PACSIN1: variants seen among roughly 807,000 people sequenced by gnomAD.
PACSIN1 encodes protein kinase C and casein kinase substrate in neurons 1.
A neutral mutation model predicts 59.5 loss-of-function variants in PACSIN1; 15 were observed. The observed-to-expected ratio is 0.25, with a 90% CI of 0.17 to 0.39. PACSIN1 has a LOEUF of 0.39. Among genes scored for constraint, PACSIN1 ranks in the 10% least tolerant of loss-of-function variants. The pLI, the probability that PACSIN1 is intolerant of heterozygous loss-of-function variation, is 1.00. For synonymous variants in PACSIN1, 210 were observed against 220.6 expected, an observed-to-expected ratio of 0.95 and a Z score of 0.42; for missense variants, 420 against 580.2, an observed-to-expected ratio of 0.72 and a Z score of 2.84.
At chr6:34,490,682 G>A (rs567951142) in intron 1 of PACSIN1, among the ~76,000 whole-genome samples, 2 of 152,302 alleles carry the variant, frequency 1.3e-5, no homozygotes, top group Middle Eastern at 6.8e-3. Context: ...GGGCTTTCCC[G>A]TTGGCCCTGG....
Position 34,531,708 on chromosome 6 carries a change from GGAC to G in PACSIN1, c.1150_1152del (p.Asp384del). ...CCAACGGGGGCGCCAACCCCTTTGA[GGAC>G]GACTCCAAGGGAGTGCGCGTGCGGG... On this transcript the variant is annotated inframe_deletion, in exon 9 of 10. Transcript: ENST00000244458. The surrounding 1 kb of genome is among the most constrained non-coding windows in gnomAD (Gnocchi z 4.4). 6.2e-7 allele frequency: 1 copy of G among 1,613,092 alleles called. No homozygotes were observed.
At chr6:34,481,172 G>C (rs1315406507) in intron 1 of PACSIN1, among the ~76,000 whole-genome samples, 1 of 151,210 alleles carries the variant, frequency 6.6e-6, no homozygotes, top group African/African-American at 2.4e-5. Flanking sequence ...TCAGCCCCCC[G>C]AGAGCTGGGA....
In PACSIN1 at chr6:34,516,387, C is replaced by T. The variant is rs550358118; in HGVS notation, c.-63-9856C>T. On this transcript the variant is annotated intron_variant, in intron 1 of 9. Coordinates refer to ENST00000244458, the MANE Select transcript of PACSIN1 (RefSeq NM_020804.5). This position sits in a 1 kb window ranked among gnomAD's most constrained non-coding sequence, Gnocchi z 5.4. Reference sequence around the variant, plus strand: ...GCCTAGGAGGGAGAAGGGCAGGTCTCGGGGATGGCAGAAACGGGATGCAGA... The same window carrying T: ...GCCTAGGAGGGAGAAGGGCAGGTCTTGGGGATGGCAGAAACGGGATGCAGA... Among the ~76,000 whole-genome samples the T allele has an allele frequency of 2.0e-5, 3 of 152,306 alleles. No homozygotes were observed. Among genetic ancestry groups the T allele is most frequent in the Admixed American group, 2.0e-4 (3 of 15,306 alleles).
chr6:34,510,708 C>T (rs1157573961), intron 1 of PACSIN1, among the ~76,000 whole-genome samples: 2 of 152,174 alleles, frequency 1.3e-5, no homozygotes, highest in East Asian at 3.9e-4. Flanking sequence ...GTCTCTTTAA[C>T]CCACGTTATT....
In PACSIN1 at chr6:34,532,721, G is replaced by T. The variant is rs1396984820; in HGVS notation, c.*191G>T. ...TTTGCAGGGCCACCTGGAGGCTGGG[G>T]TGCTGGGGCTTGGGGTGGCCCCAGG... is the stretch of plus-strand genomic sequence containing the variant. On this transcript the variant is annotated 3_prime_UTR_variant, in exon 10 of 10. Transcript: ENST00000244458. This position sits in a 1 kb window ranked among gnomAD's most constrained non-coding sequence, Gnocchi z 5.2. 5.2e-6 allele frequency: 3 copies of T among 575,758 alleles called. No homozygotes were observed. Among genetic ancestry groups the T allele is most frequent in the Non-Finnish European group, 9.3e-6 (3 of 321,666 alleles). 35.7% of individuals were successfully genotyped at this position (575,758 alleles called of 1,614,324 possible).
intron 1 of PACSIN1, among the ~76,000 whole-genome samples, chr6:34,471,022 T>C (rs1242648063): frequency 6.6e-6 from 1 of 152,200 alleles, no homozygotes; most frequent in African/African-American, 2.4e-5. Flanking sequence ...CTAGGCTCAC[T>C]GCAACCTCCG....
At chr6:34,466,995 G>A (rs976184697) in intron 1 of PACSIN1, among the ~76,000 whole-genome samples, 1 of 152,166 alleles carries the variant, frequency 6.6e-6, no homozygotes, top group African/African-American at 2.4e-5. Flanking sequence ...GCCAGACCCA[G>A]CTTCAAGCCC....
In PACSIN1 at chr6:34,466,236, T is replaced by G. The variant is rs2395564; in HGVS notation, c.-98T>G. On this transcript the variant is annotated 5_prime_UTR_variant, in exon 1 of 10. Coordinates refer to ENST00000244458, the MANE Select transcript of PACSIN1 (RefSeq NM_020804.5). ...CCCAGACGTCCCGCTTCGCCCCGAG[T>G]CGCCGCCGATGGTCCCCGGAGCTCC... 151,018 of 152,250 alleles carry G rather than the reference T, an allele frequency of 0.99. 74,910 individuals are homozygous for G. Among genetic ancestry groups the G allele is most frequent in the East Asian group, 1 (5,126 of 5,126 alleles). The allele number at this position is 152,250 out of a possible 1,614,324, so 9.4% of individuals were successfully genotyped here.
intron 1 of PACSIN1, among the ~76,000 whole-genome samples, chr6:34,506,775 G>T (rs1767122202): frequency 6.6e-6 from 1 of 152,158 alleles, no homozygotes; most frequent in African/African-American, 2.4e-5. Context: ...CCTTGTTACT[G>T]CTCCTATGTG....
chr6:34,491,768 T>C (rs1475928103), intron 1 of PACSIN1, among the ~76,000 whole-genome samples: 1 of 152,006 alleles, frequency 6.6e-6, no homozygotes, highest in Admixed American at 6.6e-5. Context: ...CCCGCCAACA[T>C]GCCCAGCTAA....
Position 34,515,589 on chromosome 6 carries a change from A to G in PACSIN1, c.-63-10654A>G, listed in dbSNP as rs1186389331. 2.0e-5 allele frequency among the ~76,000 whole-genome samples: 3 copies of G among 152,118 alleles called. No homozygotes were observed. Among genetic ancestry groups the G allele is most frequent in the African/African-American group, 4.8e-5 (2 of 41,414 alleles). On this transcript the variant is annotated intron_variant, in intron 1 of 9. Coordinates refer to ENST00000244458, the MANE Select transcript of PACSIN1 (RefSeq NM_020804.5). This position sits in a 1 kb window ranked among gnomAD's most constrained non-coding sequence, Gnocchi z 4.4. Reference sequence around the variant, plus strand: ...GCACTGGGCTTAGAGCCCCCTGGTCAGGTCAGAGGCATCTACCTCCTGCCC... The same window carrying G: ...GCACTGGGCTTAGAGCCCCCTGGTCGGGTCAGAGGCATCTACCTCCTGCCC...
At chr6:34,489,159 G>A (rs1159624473) in intron 1 of PACSIN1, among the ~76,000 whole-genome samples, 1 of 150,898 alleles carries the variant, frequency 6.6e-6, no homozygotes, top group Non-Finnish European at 1.5e-5. Context: ...ACACCAGCCT[G>A]GGTGATAGAG....
chr6:34,475,450 G>C lies in PACSIN1; in HGVS notation c.-64+9180G>C, dbSNP rs149814964. Among the ~76,000 whole-genome samples, 27 of 152,332 alleles carry C rather than the reference G, an allele frequency of 1.8e-4. No individual in the cohort carries two copies. The Middle Eastern group carries it at 0.031, about 173-fold the overall frequency. On this transcript the variant is annotated intron_variant, in intron 1 of 9. Transcript: ENST00000244458. ...ATTTATTGCAGGCATGCTCATATTA[G>C]AGCGGGAAAAGATTTGCTTACAGCT...
chr6:34,526,235 C>G lies in PACSIN1; in HGVS notation c.-63-8C>G, dbSNP rs991969194. On this transcript the variant is annotated splice_polypyrimidine_tract_variant and splice_region_variant and intron_variant, in intron 1 of 9. Transcript: ENST00000244458. ...TCATCTCCAGGGATCTCTCTCCTGC[C>G]CTCCCAGTGCATGAGCAGCCGAGCC... 2 of 1,292,260 alleles carry G rather than the reference C, an allele frequency of 1.5e-6. No homozygotes were observed. The highest frequency in any genetic ancestry group is 2.2e-6 in the Non-Finnish European group (2 of 897,284). 80.0% of individuals were successfully genotyped at this position (1,292,260 alleles called of 1,614,324 possible).
intron 1 of PACSIN1, among the ~76,000 whole-genome samples, chr6:34,517,535 G>T (rs750306301): frequency 1.3e-4 from 17 of 134,886 alleles, no homozygotes; most frequent in African/African-American, 4.0e-4. Context: ...CCTCATCTGC[G>T]CAGGCCACAT....
At chr6:34,506,077 T>C (rs1232944978) in intron 1 of PACSIN1, among the ~76,000 whole-genome samples, 2 of 152,208 alleles carry the variant, frequency 1.3e-5, no homozygotes, top group Admixed American at 1.3e-4. Flanking sequence ...CATAATTGCG[T>C]GCTGAAGCAT....
intron 1 of PACSIN1, among the ~76,000 whole-genome samples, chr6:34,499,506 G>A (rs1001542325): frequency 2.0e-5 from 3 of 151,794 alleles, no homozygotes; most frequent in Admixed American, 2.0e-4. Flanking sequence ...AGAATATATA[G>A]GGACAGGCTA....
intron 1 of PACSIN1, among the ~76,000 whole-genome samples, chr6:34,519,027 G>C (rs893026795): frequency 7.2e-5 from 11 of 152,152 alleles, no homozygotes; most frequent in Admixed American, 6.5e-4. Flanking sequence ...AGAGGGTCTG[G>C]GCTCTTAAGA....
intron 2 of PACSIN1, 62 bp from the exon 3 acceptor site, chr6:34,527,270 C>T: frequency 2.1e-6 from 3 of 1,423,664 alleles, no homozygotes; most frequent in Admixed American, 5.0e-5. Context: ...GTGCTGGATG[C>T]GGCGGGCGGG....
Sources: allele counts gnomAD v4.1 joint callset (sites outside exome capture counted in the v4.1 genomes callset), GRCh38; gene constraint gnomAD v4.1.1; non-coding constraint Gnocchi (gnomAD v3.1); transcripts MANE v1.5; gene names NCBI Gene and HGNC (gene_info 2026-07-23, HGNC 2026-07-21).